The following CACNA1G variants were observed in gnomAD, a reference collection of about 807,000 sequenced individuals.
CACNA1G encodes the protein calcium voltage-gated channel subunit alpha1 G.
Under a neutral mutation model 219.4 loss-of-function variants are expected in CACNA1G, and 67 were observed. The ratio of observed to expected loss-of-function variants is 0.31; its 90% CI spans 0.25 to 0.37. CACNA1G has a LOEUF of 0.37. Ranked by LOEUF, CACNA1G falls within the 10% of genes least tolerant of loss-of-function variation. CACNA1G has a pLI of 1.00. For missense variants in CACNA1G, 2,380 were observed against 3,231.4 expected, an observed-to-expected ratio of 0.74 and a Z score of 6.39; for synonymous variants, 1,296 against 1,345.3, an observed-to-expected ratio of 0.96 and a Z score of 0.80.
intron 36 of CACNA1G, 25 bp from the exon 37 acceptor site, chr17:50,624,335 C>CCA: frequency 1.5e-6 from 2 of 1,366,002 alleles, no homozygotes; most frequent in Non-Finnish European, 2.0e-6. Flanking sequence ...CCCCCCACCC[C>CCA]TCCCCCGCTT....
rs777979645 is a variant in CACNA1G, at chr17:50,576,247, G to T, written c.1845G>T (p.Gly615=). 6.3e-6 allele frequency: 10 copies of T among 1,597,164 alleles called. No individual in the cohort carries two copies. Among genetic ancestry groups the T allele is most frequent in the Non-Finnish European group, 6.8e-6 (8 of 1,172,896 alleles). Residue 615 remains glycine (G), a synonymous_variant, in exon 8 of 38, where the codon GGG becomes GGT. Coordinates refer to ENST00000359106, the MANE Select transcript of CACNA1G (RefSeq NM_018896.5). ...KALVEVAASS[G]PPTLTSLNIP... is the part of the protein sequence containing the mutation. ...TAGTAGAGGTGGCTGCCAGCTCTGG[G>T]CCCCCAACCCTCACCAGCCTCAACA...
chr17:50,609,771 A>G (rs2048790121), intron 25 of CACNA1G, 111 bp from the exon 26 acceptor site: 1 of 883,040 alleles, frequency 1.1e-6, no homozygotes, highest in Non-Finnish European at 1.8e-6. Flanking sequence ...GGCTCAGCGC[A>G]CCCCACCCAT....
chr17:50,623,831 T>C (rs769131133), intron 35 of CACNA1G, 76 bp from the exon 36 acceptor site: 10 of 1,485,794 alleles, frequency 6.7e-6, no homozygotes, highest in Admixed American at 1.9e-5. Flanking sequence ...TGCTGCTTTC[T>C]GTTGTCAGCG....
At chr17:50,615,263 T>A (rs1399641074) in intron 26 of CACNA1G, 98 bp from the exon 27 acceptor site, 2 of 1,211,522 alleles carry the variant, frequency 1.7e-6, no homozygotes, top group Non-Finnish European at 2.2e-6. Context: ...ATGTTTCAGT[T>A]CTGGCGTTAG....
rs1393519989 is a variant in CACNA1G at position 50,571,884 on chromosome 17, G to A, written c.593G>A (p.Arg198His). The change falls in exon 5 of 38, where the codon CGC becomes CAC. Residue 198 changes from arginine (R) to histidine (H), a missense_variant. Arg to His is a conservative substitution (Grantham distance 29). Around this residue, in one of 17 missense-constraint regions of CACNA1G, gnomAD observed 56 missense variants for 135.8 expected, o/e 0.41. Transcript: ENST00000359106. This position sits in a 1 kb window ranked among gnomAD's most constrained non-coding sequence, Gnocchi z 4.3. ...GTGGCTTCTGCCCCCACAGGCATGC[G>A]CATCCTTGTCACGTTGCTGCTGGAT... ...LRAINRVPSMRILVTLLLDTL... is the reference protein window; with the variant it reads ...LRAINRVPSMHILVTLLLDTL... 2 of 1,613,554 alleles carry A rather than the reference G, an allele frequency of 1.2e-6. No individual in the cohort carries two copies. Among genetic ancestry groups the A allele is most frequent in the East Asian group, 2.2e-5 (1 of 44,880 alleles).
chr17:50,606,852 G>T (rs1377321017), intron 23 of CACNA1G, 48 bp from the exon 24 acceptor site: 2 of 1,407,962 alleles, frequency 1.4e-6, no homozygotes, highest in African/African-American at 2.8e-5. Context: ...AGGTGATTCA[G>T]CCACACATCC....
chr17:50,598,303 A>G (rs2045967450), intron 16 of CACNA1G, among the ~76,000 whole-genome samples: 1 of 152,266 alleles, frequency 6.6e-6, no homozygotes, highest in South Asian at 2.1e-4. Flanking sequence ...TGCTGGGATT[A>G]CAGGCATGAG....
Position 50,578,169 on chromosome 17 carries a change from C to T in CACNA1G, c.1925-19C>T. 6.5e-7 allele frequency: 1 copy of T among 1,536,124 alleles called. No homozygotes were observed. Among genetic ancestry groups the T allele is most frequent in the Non-Finnish European group, 8.8e-7 (1 of 1,142,322 alleles). ...GGTACGAGACTCTGGAGCCTCTCAC[C>T]TCTACTCTCCTGTTCCAGGTGCCTG... On this transcript the variant is annotated intron_variant, in intron 8 of 37. Transcript: ENST00000359106. This position sits in a 1 kb window ranked among gnomAD's most constrained non-coding sequence, Gnocchi z 4.5.
chr17:50,610,853 G>T (rs867849861), intron 26 of CACNA1G, among the ~76,000 whole-genome samples: 2 of 152,144 alleles, frequency 1.3e-5, no homozygotes, highest in Non-Finnish European at 2.9e-5. Context: ...GCTGCAGAAG[G>T]TTACACACTA....
At position 50,621,842 on chromosome 17, in the gene CACNA1G, C is replaced by T. The variant is rs2052176700; in HGVS notation, c.6060+48C>T. On this transcript the variant is annotated intron_variant, in intron 35 of 37. Transcript: ENST00000359106. The surrounding 1 kb of genome is among the most constrained non-coding windows in gnomAD (Gnocchi z 4.6). Reference sequence around the variant, plus strand: ...GCTCCCGGCCACCCCCGGGGCTGGACTGGCTGCAGGGCTCCAGATCGGCCC... The same window carrying T: ...GCTCCCGGCCACCCCCGGGGCTGGATTGGCTGCAGGGCTCCAGATCGGCCC... 6.2e-7 allele frequency: 1 copy of T among 1,606,544 alleles called. No homozygotes were observed. Among genetic ancestry groups the T allele is most frequent in the African/African-American group, 1.3e-5 (1 of 74,984 alleles).
chr17:50,598,492 T>C (rs1182236556), intron 16 of CACNA1G, among the ~76,000 whole-genome samples: 4 of 152,266 alleles, frequency 2.6e-5, no homozygotes, highest in Non-Finnish European at 5.9e-5. Flanking sequence ...CTGGGTCATA[T>C]GGCAACTCTA....
At chr17:50,607,022 G>T in intron 24 of CACNA1G, 33 bp downstream of exon 24, 1 of 1,530,660 alleles carries the variant, frequency 6.5e-7, no homozygotes, top group Non-Finnish European at 9.1e-7. Flanking sequence ...CCATCTGTGG[G>T]CTCAGGTCAC....
chr17:50,600,841 A>G lies in CACNA1G; in HGVS notation c.3791+15A>G, dbSNP rs1324175190. The G allele has an allele frequency of 6.2e-7, 1 of 1,608,662 alleles. No homozygotes were observed. ...CCTCAGTCCAGGTAAGTGACAGGGC[A>G]GGGGTCTGACCTGTGTCCCGACCTC... On this transcript the variant is annotated intron_variant, in intron 18 of 37. Transcript: ENST00000359106. The surrounding 1 kb of genome is among the most constrained non-coding windows in gnomAD (Gnocchi z 4.1).
rs189969130 is a variant in CACNA1G at position 50,596,521 on chromosome 17, C to A, written c.2980-41C>A. 3 of 1,568,592 alleles carry A rather than the reference C, an allele frequency of 1.9e-6. No individual in the cohort carries two copies. The highest frequency in any genetic ancestry group is 2.2e-5 in the East Asian group (1 of 44,642). ...GCCCGGTCCATCCCAACCACCCAAG[C>A]CTGGCCGGATCCCTAATGGTCCGCT... On this transcript the variant is annotated intron_variant, in intron 14 of 37. Coordinates refer to ENST00000359106, the MANE Select transcript of CACNA1G (RefSeq NM_018896.5). The surrounding 1 kb of genome is among the most constrained non-coding windows in gnomAD (Gnocchi z 4.8).
rs541194308 is a variant in CACNA1G at position 50,576,079 on chromosome 17, C to T, written c.1677C>T (p.Ala559=). ...GAESVHSFYH[A]DCHLEPVRCQ... ...AGTCTGTGCACAGCTTCTACCATGC[C>T]GACTGCCACTTAGAGCCAGTCCGCT... The change falls in exon 8 of 38, where the codon GCC becomes GCT. Residue 559 remains alanine, a synonymous_variant. Transcript: ENST00000359106. The T allele has an allele frequency of 8.2e-5, 130 of 1,588,470 alleles. No homozygotes were observed. Among genetic ancestry groups the T allele is most frequent in the Middle Eastern group, 6.6e-4 (4 of 6,034 alleles).
Position 50,618,622 on chromosome 17 carries a change from C to T in CACNA1G, c.5428-33C>T. 1 of 1,523,688 alleles carries T rather than the reference C, an allele frequency of 6.6e-7. No individual in the cohort carries two copies. Among genetic ancestry groups the T allele is most frequent in the Admixed American group, 1.7e-5 (1 of 58,690 alleles). The allele number at this position is 1,523,688 out of a possible 1,614,324, so 94.4% of individuals were successfully genotyped here. On this transcript the variant is annotated intron_variant, in intron 32 of 37. Transcript: ENST00000359106. This position sits in a 1 kb window ranked among gnomAD's most constrained non-coding sequence, Gnocchi z 5.3. Reference sequence around the variant, plus strand: ...CACAACAGCTCCAACAACTGTCCTCCCCAGCCTCACCCCTCTATTCCACCC... The same window carrying T: ...CACAACAGCTCCAACAACTGTCCTCTCCAGCCTCACCCCTCTATTCCACCC...
At chr17:50,588,981 C>T (rs896965749) in intron 9 of CACNA1G, among the ~76,000 whole-genome samples, 1 of 152,204 alleles carries the variant, frequency 6.6e-6, no homozygotes, top group South Asian at 2.1e-4. Flanking sequence ...GGCAGCTGGC[C>T]AGCGAGACAG....
chr17:50,618,917 G>T lies in CACNA1G; in HGVS notation c.5690G>T (p.Gly1897Val). 1.2e-6 allele frequency: 2 copies of T among 1,600,752 alleles called. No homozygotes were observed. Among genetic ancestry groups the T allele is most frequent in the Non-Finnish European group, 1.7e-6 (2 of 1,172,492 alleles). Residue 1897 changes from glycine to valine, a missense_variant, in exon 33 of 38, where the codon GGC (glycine) becomes GTC (valine). By Grantham distance (109) the Gly-to-Val change is moderately radical (BLOSUM62 -3). This residue lies in a region of CACNA1G where 672 missense variants were observed against 670.5 expected (regional missense o/e 1.00). Transcript: ENST00000359106. The surrounding 1 kb of genome is among the most constrained non-coding windows in gnomAD (Gnocchi z 5.3). ...CCCTTCCTCTGGCCTGGGGTCGAGG[G>T]CCCCGACAGCCCCGACAGCCCCAAG... The part of the protein sequence containing the change: ...GSPFLWPGVE[G>V]PDSPDSPKPG...
intron 9 of CACNA1G, among the ~76,000 whole-genome samples, chr17:50,589,912 C>CTCTCTCTCTGTGTGTGTGTGTG (rs1326523232): frequency 7.1e-6 from 1 of 141,834 alleles, no homozygotes; most frequent in African/African-American, 2.8e-5. Flanking sequence ...CTCTCTCTCT[C>CTCTCTCTCTGTGTGTGTGTGTG]TGTGTGTGTG....
Sources: allele counts gnomAD v4.1 joint callset (sites outside exome capture counted in the v4.1 genomes callset), GRCh38; gene constraint gnomAD v4.1.1; regional missense constraint gnomAD v4.1.1; non-coding constraint Gnocchi (gnomAD v3.1); transcripts MANE v1.5; gene names NCBI Gene and HGNC (gene_info 2026-07-23, HGNC 2026-07-21).